TEX15: variants seen among roughly 807,000 people sequenced by gnomAD.
The protein encoded by TEX15 is testis expressed 15, meiosis and synapsis associated.
TEX15 carries 171 observed loss-of-function variants against 237.3 expected under a neutral mutation model. The observed-to-expected ratio is 0.72, with a 90% CI of 0.64 to 0.82. The LOEUF (loss-of-function observed/expected upper bound fraction) is 0.82. TEX15 is among the 40% of genes least tolerant of loss of function. The probability of loss-of-function intolerance (pLI) is 0.00; values close to 1 mark genes in which losing one functional copy is unlikely to be tolerated. For synonymous variants in TEX15, 1,338 were observed against 1,269.8 expected, an observed-to-expected ratio of 1.05 and a Z score of -1.14; for missense variants, 3,750 against 3,646.5, an observed-to-expected ratio of 1.03 and a Z score of -0.73.
chr8:30,895,850 T>A (rs1808895447), intron 2 of TEX15, among the ~76,000 whole-genome samples: 1 of 151,794 alleles, frequency 6.6e-6, no homozygotes, highest in Non-Finnish European at 1.5e-5. Flanking sequence ...CTGGCTAATT[T>A]TTTGTATTTT....
intron 3 of TEX15, among the ~76,000 whole-genome samples, chr8:30,876,833 G>A (rs1042295675): frequency 6.6e-5 from 10 of 152,148 alleles, no homozygotes; most frequent in African/African-American, 1.7e-4. Flanking sequence ...CATCTCATGT[G>A]TCATGGGAGG....
At chr8:30,841,978 A>ATAT (rs999419603) in intron 8 of TEX15, 26 bp downstream of exon 8, 3 of 1,469,422 alleles carry the variant, frequency 2.0e-6, no homozygotes, top group Non-Finnish European at 2.7e-6. Flanking sequence ...AATACTTATA[A>ATAT]AAGTTTTGTT....
rs546985074 is a variant in TEX15 at position 30,900,287 on chromosome 8, G to A, written c.-85-1470C>T. 2.7e-4 allele frequency among the ~76,000 whole-genome samples: 41 copies of A among 152,262 alleles called. No homozygotes were observed. In the South Asian group the frequency reaches 6.4e-3, roughly 24 times the overall value. ...AATAATCAGGGACAAATATAACCAT[G>A]CAATATCAGGGTAATTAAAATGAGA... On this transcript the variant is annotated intron_variant, in intron 1 of 10. Transcript: ENST00000643185.
intron 8 of TEX15, among the ~76,000 whole-genome samples, chr8:30,840,507 C>T (rs1430624571): frequency 6.6e-6 from 1 of 152,110 alleles, no homozygotes; most frequent in East Asian, 1.9e-4. Context: ...TTAAAACTAA[C>T]CTTGAAGTCC....
intron 3 of TEX15, among the ~76,000 whole-genome samples, chr8:30,877,409 C>T (rs723309): frequency 0.12 from 17,681 of 151,966 alleles, 1,714 homozygotes; most frequent in African/African-American, 0.27. Flanking sequence ...AACAATTTGC[C>T]CCTTAAATTT....
intron 7 of TEX15, among the ~76,000 whole-genome samples, chr8:30,849,570 CTGACAAATAATAGAAAAAAAA>C (rs1807722209): frequency 6.6e-6 from 1 of 151,894 alleles, no homozygotes; most frequent in African/African-American, 2.4e-5. Flanking sequence ...AAGTTTAATT[CTGACAAATAATAGAAAAAAAA>C]TGACAAATAA....
At chr8:30,875,681 T>C (rs1808385312) in intron 3 of TEX15, among the ~76,000 whole-genome samples, 3 of 152,122 alleles carry the variant, frequency 2.0e-5, no homozygotes, top group Admixed American at 1.3e-4. Context: ...GCAAATATAA[T>C]TGACTATTGT....
At position 30,846,358 on chromosome 8, in the gene TEX15, G is replaced by T; in HGVS notation, c.3809C>A (p.Thr1270Lys). 1.2e-6 allele frequency: 2 copies of T among 1,611,910 alleles called. No individual in the cohort carries two copies. Among genetic ancestry groups the T allele is most frequent in the Non-Finnish European group, 8.5e-7 (1 of 1,179,542 alleles). Residue 1270 changes from threonine to lysine, a missense_variant, in exon 8 of 11, where the codon ACA (threonine) becomes AAA (lysine). Transcript: ENST00000643185. ...GAAACATCTGCTTCCATCATCTATT[G>T]TTGTGACATTAGAAGGTTCAGTAAA... is the stretch of plus-strand genomic sequence containing the variant. ...SLFTEPSNVT[T>K]IDDGSRCFFT...
rs1245134691 is a variant in TEX15, at chr8:30,848,521, G to A, written c.1646C>T (p.Ser549Leu). ...SFPISVSNVVSEVENQNHSEE... is the reference protein window; with the variant it reads ...SFPISVSNVVLEVENQNHSEE... ...ACTGTGGTTTTGGTTCTCAACCTCT[G>A]ACACTACATTTGACACAGAAATTGG... Residue 549 changes from serine to leucine, a missense_variant, in exon 8 of 11, where the codon TCA becomes TTA. By Grantham distance (145) the Ser-to-Leu change is moderately radical. Transcript: ENST00000643185. The A allele has an allele frequency of 6.8e-6, 11 of 1,614,084 alleles. No individual in the cohort carries two copies. The highest frequency in any genetic ancestry group is 1.3e-5 in the African/African-American group (1 of 75,018).
chr8:30,883,698 C>G (rs1440092334), intron 3 of TEX15, among the ~76,000 whole-genome samples: 1 of 152,072 alleles, frequency 6.6e-6, no homozygotes, highest in Admixed American at 6.6e-5. Flanking sequence ...TTTTTATGGC[C>G]GCATATTCCA....
chr8:30,881,103 C>T (rs1808509776), intron 3 of TEX15, among the ~76,000 whole-genome samples: 1 of 152,110 alleles, frequency 6.6e-6, no homozygotes, highest in South Asian at 2.1e-4. Flanking sequence ...GAACATTCAC[C>T]TCTCAGTTGT....
chr8:30,904,245 G>A (rs968814598), intron 1 of TEX15, among the ~76,000 whole-genome samples: 1 of 152,084 alleles, frequency 6.6e-6, no homozygotes, highest in Non-Finnish European at 1.5e-5. Flanking sequence ...TCAGGAGTTT[G>A]AGACCAGCCT....
chr8:30,870,181 T>C (rs1458696949), intron 4 of TEX15, among the ~76,000 whole-genome samples: 2 of 151,956 alleles, frequency 1.3e-5, no homozygotes, highest in Non-Finnish European at 2.9e-5. Flanking sequence ...ATTAAGTAAA[T>C]AAATGTAAAA....
At chr8:30,867,113 G>C (rs1354440264) in intron 5 of TEX15, among the ~76,000 whole-genome samples, 152 bp downstream of exon 5, 1 of 146,216 alleles carries the variant, frequency 6.8e-6, no homozygotes, top group Non-Finnish European at 1.5e-5. Context: ...AGAAAATTTT[G>C]AATAATGATG....
At position 30,846,502 on chromosome 8, in the gene TEX15, A is replaced by T. The variant is rs1807614050; in HGVS notation, c.3665T>A (p.Val1222Asp). 6.2e-7 allele frequency: 1 copy of T among 1,613,576 alleles called. No homozygotes were observed. Among genetic ancestry groups the T allele is most frequent in the African/African-American group, 1.3e-5 (1 of 75,016 alleles). Residue 1222 changes from valine to aspartate, a missense_variant, in exon 8 of 11, where the codon GTT becomes GAT. Coordinates refer to ENST00000643185, the MANE Select transcript of TEX15 (RefSeq NM_001350162.2). ...CCCTGATTCTTGCCTTATATTATCA[A>T]CTTTATCTTCACATGGATAATCTGC... ...ENADYPCEDKVDNIRQESGPV... is the reference protein window; with the variant it reads ...ENADYPCEDKDDNIRQESGPV...
intron 2 of TEX15, chr8:30,887,900 A>G (rs60509175): frequency 2.1e-5 from 1 of 48,028 alleles, no homozygotes; most frequent in Non-Finnish European, 3.5e-5. Flanking sequence ...ATATATATAT[A>G]TATATATATA....
Position 30,837,949 on chromosome 8 carries a change from C to T in TEX15, c.8335G>A (p.Gly2779Ser). ...GGGTTCTCTAAGGGTAAAAGTGAGCCAGGTAGTGATCTTTGCATTTCAACC... is the reference window on the plus strand; with the variant it reads ...GGGTTCTCTAAGGGTAAAAGTGAGCTAGGTAGTGATCTTTGCATTTCAACC... ...KKVEMQRSLP[G>S]SLLPLENPKD... Residue 2779 changes from glycine to serine, a missense_variant, in exon 10 of 11, where the codon GGC (glycine) becomes AGC (serine). By Grantham distance (56) the Gly-to-Ser change is moderately conservative. Coordinates refer to ENST00000643185, the MANE Select transcript of TEX15 (RefSeq NM_001350162.2). 2 of 1,614,110 alleles carry T rather than the reference C, an allele frequency of 1.2e-6. No individual in the cohort carries two copies. The highest frequency in any genetic ancestry group is 1.7e-6 in the Non-Finnish European group (2 of 1,180,012).
At chr8:30,874,609 C>T (rs1029460320) in intron 4 of TEX15, among the ~76,000 whole-genome samples, 15 of 152,124 alleles carry the variant, frequency 9.9e-5, no homozygotes, top group African/African-American at 3.6e-4. Flanking sequence ...TTGATTACTT[C>T]GACTGCAGTT....
chr8:30,889,142 G>T (rs894755960), intron 2 of TEX15, among the ~76,000 whole-genome samples: 9 of 152,222 alleles, frequency 5.9e-5, no homozygotes, highest in African/African-American at 2.2e-4. Flanking sequence ...ACAGCCAAGT[G>T]CTGGGACAAT....
Sources: gnomAD v4.1 joint callset for allele counts (sites outside exome capture counted in the v4.1 genomes callset) on GRCh38, gnomAD v4.1.1 for gene constraint, MANE v1.5 for transcripts, NCBI Gene and HGNC (gene_info 2026-07-23, HGNC 2026-07-21) for gene names.